ITGAE: variants seen among roughly 807,000 people sequenced by gnomAD.
ITGAE encodes the protein integrin subunit alpha E.
Under a neutral mutation model 136.5 loss-of-function variants are expected in ITGAE, and 99 were observed. The observed-to-expected ratio is 0.73, with a 90% CI of 0.62 to 0.86. The LOEUF (loss-of-function observed/expected upper bound fraction) is 0.86. Ranked by LOEUF, ITGAE falls within the 40% of genes least tolerant of loss-of-function variation. ITGAE has a pLI of 0.00. For missense variants in ITGAE, 1,447 were observed against 1,515.3 expected (o/e 0.95, Z 0.75); for synonymous variants, 613 against 591.8 (o/e 1.04, Z -0.52).
At chr17:3,764,037 C>A in intron 2 of ITGAE, 77 bp from the exon 3 acceptor site, 2 of 1,037,658 alleles carry the variant, frequency 1.9e-6, no homozygotes, top group East Asian at 2.4e-5. Context: ...GCACCCTTCC[C>A]ATTCCAGTTG....
intron 28 of ITGAE, among the ~76,000 whole-genome samples, chr17:3,720,850 T>C (rs2051035417): frequency 6.6e-6 from 1 of 152,186 alleles, no homozygotes; most frequent in East Asian, 1.9e-4. Context: ...CCCAAAGTGC[T>C]GGGATTACAG....
chr17:3,793,066 T>G (rs2052980272), intron 1 of ITGAE, among the ~76,000 whole-genome samples: 1 of 152,256 alleles, frequency 6.6e-6, no homozygotes, highest in African/African-American at 2.4e-5. Context: ...TTTTCTTTTT[T>G]TTTTAGACAG....
At chr17:3,776,517 C>T (rs1057232192) in intron 2 of ITGAE, among the ~76,000 whole-genome samples, 1 of 152,254 alleles carries the variant, frequency 6.6e-6, no homozygotes, top group Admixed American at 6.5e-5. Flanking sequence ...GAAGCTGCCA[C>T]TGAACCCTGG....
At chr17:3,753,029 C>T (rs559265946) in intron 14 of ITGAE, among the ~76,000 whole-genome samples, 5 of 152,196 alleles carry the variant, frequency 3.3e-5, no homozygotes, top group South Asian at 2.1e-4. Flanking sequence ...GCCTGGGCAA[C>T]GAGAGCAAAA....
chr17:3,794,750 A>G (rs961509567), intron 1 of ITGAE, among the ~76,000 whole-genome samples: 1 of 152,158 alleles, frequency 6.6e-6, no homozygotes, highest in Non-Finnish European at 1.5e-5. Context: ...CACTCTGGGG[A>G]AAAAACAGGA....
At position 3,738,306 on chromosome 17, in the gene ITGAE, G is replaced by A. The variant is rs566936540; in HGVS notation, c.2522+1499C>T. Among the ~76,000 whole-genome samples, 6 of 151,988 alleles carry A rather than the reference G, an allele frequency of 3.9e-5. No homozygotes were observed. The East Asian group carries it at 1.2e-3, about 29-fold the overall frequency. On this transcript the variant is annotated intron_variant, in intron 20 of 30. Coordinates refer to ENST00000263087, the MANE Select transcript of ITGAE (RefSeq NM_002208.5). ...CTGCCTCAGCCTGCCCAGTAGCTGT[G>A]ATTACAGGCGCCCACCACCATGCCC...
rs1364790672 is a variant in ITGAE at position 3,725,397 on chromosome 17, G to A, written c.3085-1653C>T. On this transcript the variant is annotated intron_variant, in intron 26 of 30. Coordinates refer to ENST00000263087, the MANE Select transcript of ITGAE (RefSeq NM_002208.5). The stretch of plus-strand genomic sequence containing the variant: ...TCCCACAGAAAAACTGCAACGCTGT[G>A]AGAAGATTGGGGAAGGGGTGTTTGG... The A allele has an allele frequency of 3.7e-6, 6 of 1,614,112 alleles. No homozygotes were observed. The highest frequency in any genetic ancestry group is 1.6e-4 in the Middle Eastern group (1 of 6,084).
At chr17:3,792,489 A>C (rs1001679061) in intron 1 of ITGAE, among the ~76,000 whole-genome samples, 2 of 152,236 alleles carry the variant, frequency 1.3e-5, no homozygotes, top group African/African-American at 2.4e-5. Flanking sequence ...ATTCATAAAA[A>C]TACATAATAC....
chr17:3,735,316 C>T (rs572708890), intron 20 of ITGAE, among the ~76,000 whole-genome samples: 18 of 152,260 alleles, frequency 1.2e-4, no homozygotes, highest in Admixed American at 3.9e-4. Flanking sequence ...TACAGGCACG[C>T]GCCACCATGC....
rs770556756 is a variant in ITGAE, at chr17:3,750,431, T to C, written c.1945A>G (p.Met649Val). 9 of 1,614,158 alleles carry C rather than the reference T, an allele frequency of 5.6e-6. No individual in the cohort carries two copies. The South Asian group carries it at 7.7e-5, about 14-fold the overall frequency. Residue 649 changes from methionine to valine, a missense_variant, in exon 16 of 31, where the codon ATG becomes GTG. This residue lies in a region of ITGAE where 1,031 missense variants were observed against 1,011.4 expected (regional missense o/e 1.02). Transcript: ENST00000263087. ...CCACTAATATCAAAGCCACCAGCCA[T>C]GGACATGCCGAAGTACTGGAGTCCT... ...APGLQYFGMS[M>V]AGGFDISGDG... is the part of the protein sequence containing the mutation.
intron 16 of ITGAE, among the ~76,000 whole-genome samples, chr17:3,749,046 A>G (rs2051792874): frequency 6.6e-6 from 1 of 152,246 alleles, no homozygotes; most frequent in Non-Finnish European, 1.5e-5. Flanking sequence ...GTGTCCAGGG[A>G]GTGAAGACAG....
At position 3,758,858 on chromosome 17, in the gene ITGAE, G is replaced by C. The variant is rs567570699; in HGVS notation, c.866+544C>G. ...ACCAGAGCTGAGGCCGGGCGCGGTG[G>C]CTCACGCCTGTAATCCCAGCACTTT... On this transcript the variant is annotated intron_variant, in intron 8 of 30. Coordinates refer to ENST00000263087, the MANE Select transcript of ITGAE (RefSeq NM_002208.5). Among the ~76,000 whole-genome samples the C allele has an allele frequency of 2.0e-4, 31 of 151,470 alleles. No homozygotes were observed. In the South Asian group the frequency reaches 6.4e-3, roughly 31 times the overall value.
intron 1 of ITGAE, among the ~76,000 whole-genome samples, chr17:3,786,705 C>T (rs1236346015): frequency 6.6e-6 from 1 of 151,972 alleles, no homozygotes; most frequent in Admixed American, 6.6e-5. Context: ...TCCTGGCCAA[C>T]ATGGTGAAAC....
chr17:3,732,857 C>T (rs754560374), intron 21 of ITGAE, among the ~76,000 whole-genome samples: 2 of 152,164 alleles, frequency 1.3e-5, no homozygotes, highest in Admixed American at 6.6e-5. Context: ...AGCACTGCCA[C>T]GTAGCCACCA....
intron 29 of ITGAE, among the ~76,000 whole-genome samples, chr17:3,719,503 G>T (rs2472023): frequency 6.6e-6 from 1 of 151,944 alleles, no homozygotes; most frequent in African/African-American, 2.4e-5. Flanking sequence ...TGAAAACACA[G>T]GGTAACACAC....
rs149251952 is a variant in ITGAE at position 3,798,096 on chromosome 17, G to A, written c.34+3015C>T. On this transcript the variant is annotated intron_variant, in intron 1 of 30. Transcript: ENST00000263087. The surrounding 1 kb of genome is among the most constrained non-coding windows in gnomAD (Gnocchi z 4.3). The stretch of plus-strand genomic sequence containing the variant: ...CACGAATGCAGGCCTCCCAGAGAAG[G>A]GCAGGGATGTGGGGCTCCCACACGG... Among the ~76,000 whole-genome samples, 1 of 152,118 alleles carries A rather than the reference G, an allele frequency of 6.6e-6. No homozygotes were observed. Among genetic ancestry groups the A allele is most frequent in the Non-Finnish European group, 1.5e-5 (1 of 68,020 alleles).
At chr17:3,762,406 C>T (rs2052195614) in intron 3 of ITGAE, among the ~76,000 whole-genome samples, 1 of 152,026 alleles carries the variant, frequency 6.6e-6, no homozygotes, top group South Asian at 2.1e-4. Context: ...AACCCCCCAG[C>T]CTCACAGACC....
At chr17:3,744,091 G>C (rs973035568) in intron 18 of ITGAE, among the ~76,000 whole-genome samples, 2 of 151,484 alleles carry the variant, frequency 1.3e-5, no homozygotes, top group African/African-American at 4.8e-5. Context: ...GCTCACTGCA[G>C]CCTCAACCAC....
intron 1 of ITGAE, 51 bp downstream of exon 1, chr17:3,801,060 C>A (rs746867339): frequency 1.9e-6 from 3 of 1,604,436 alleles, no homozygotes; most frequent in South Asian, 2.2e-5. Context: ...AGACACCTGG[C>A]TGGAGCTGAG....
Sources: gnomAD v4.1 joint callset for allele counts (sites outside exome capture counted in the v4.1 genomes callset) on GRCh38, gnomAD v4.1.1 for gene constraint, gnomAD v4.1.1 regional missense constraint, Gnocchi (gnomAD v3.1) non-coding constraint, MANE v1.5 for transcripts, NCBI Gene and HGNC (gene_info 2026-07-23, HGNC 2026-07-21) for gene names.